Variants in USP34 observed in about 807,000 individuals in gnomAD.
The protein encoded by USP34 is ubiquitin carboxyl-terminal hydrolase 34.
A neutral mutation model predicts 460.3 loss-of-function variants in USP34; 70 were observed. The ratio of observed to expected loss-of-function variants is 0.15; its 90% CI spans 0.13 to 0.19. The LOEUF (loss-of-function observed/expected upper bound fraction) is 0.19. Ranked by LOEUF, USP34 falls within the 10% of genes least tolerant of loss-of-function variation. The probability of loss-of-function intolerance (pLI) is 1.00; values close to 1 mark genes in which losing one functional copy is unlikely to be tolerated. For synonymous variants in USP34, 1,647 were observed against 1,405.3 expected (o/e 1.17, Z -3.85); for missense variants, 3,985 against 4,236.2 (o/e 0.94, Z 1.65).
chr2:61,405,821 T>G lies in USP34; in HGVS notation c.439A>C (p.Ser147Arg). ...TCCTTCTCATCTGTACTCCATAAAC[T>G]AAAAGGATCAGAACTCTTTGAAGAT... is the stretch of plus-strand genomic sequence containing the variant. ...EESSKSSDPF[S>R]LWSTDEKEKL... is the part of the protein sequence containing the mutation. The change falls in exon 3 of 80, where the codon AGT becomes CGT. Residue 147 changes from serine (S) to arginine (R), a missense_variant. This residue lies in a region of USP34 where 331 missense variants were observed against 293.7 expected (regional missense o/e 1.13). Transcript: ENST00000398571. 6.2e-7 allele frequency: 1 copy of G among 1,613,650 alleles called. No homozygotes were observed. The highest frequency in any genetic ancestry group is 8.5e-7 in the Non-Finnish European group (1 of 1,179,878).
chr2:61,425,731 C>G (rs1167991891), intron 1 of USP34, among the ~76,000 whole-genome samples: 2 of 152,150 alleles, frequency 1.3e-5, no homozygotes, highest in East Asian at 1.9e-4. Context: ...AACTGGGCAC[C>G]AAGACAGTAG....
chr2:61,325,103 T>C (rs958505776), intron 21 of USP34, among the ~76,000 whole-genome samples: 3 of 151,978 alleles, frequency 2.0e-5, no homozygotes, highest in Admixed American at 6.6e-5. Flanking sequence ...AAAGGGGATA[T>C]GGCAGGAACA....
chr2:61,355,152 G>T (rs1045766189), intron 10 of USP34, among the ~76,000 whole-genome samples: 2 of 152,162 alleles, frequency 1.3e-5, no homozygotes, highest in African/African-American at 2.4e-5. Context: ...GTCTTCAAAA[G>T]TTCTGGGGAA....
At chr2:61,440,858 T>C (rs1172245907) in intron 1 of USP34, among the ~76,000 whole-genome samples, 1 of 150,562 alleles carries the variant, frequency 6.6e-6, no homozygotes, top group Non-Finnish European at 1.5e-5. Flanking sequence ...TCGGGTGCAG[T>C]GGCTCACGCC....
intron 29 of USP34, among the ~76,000 whole-genome samples, chr2:61,299,035 G>C (rs911813077): frequency 2.6e-5 from 4 of 151,916 alleles, no homozygotes. Context: ...ACATGGAACA[G>C]AACACCAGCA....
rs1693523243 is a variant in USP34 at position 61,396,309 on chromosome 2, A to G, written c.553-1076T>C. On this transcript the variant is annotated intron_variant, in intron 3 of 79. Transcript: ENST00000398571. ...GAACTTTTTGGAAGGCTATTTGGCA[A>G]TATCCTTCAATATTTAAAATACACA... 2.0e-5 allele frequency among the ~76,000 whole-genome samples: 3 copies of G among 152,134 alleles called. No individual in the cohort carries two copies. In the South Asian group the frequency reaches 6.2e-4, roughly 31 times the overall value.
chr2:61,272,426 A>G (rs956631753), intron 41 of USP34, among the ~76,000 whole-genome samples: 2 of 151,676 alleles, frequency 1.3e-5, no homozygotes, highest in African/African-American at 4.8e-5. Flanking sequence ...AAAAAAAAAA[A>G]AAAAATTAGG....
At chr2:61,431,567 A>G (rs368345853) in intron 1 of USP34, among the ~76,000 whole-genome samples, 3 of 152,196 alleles carry the variant, frequency 2.0e-5, no homozygotes, top group East Asian at 3.8e-4. Context: ...TTTAGCTAGC[A>G]GAGGCTGGCC....
At chr2:61,361,975 A>T (rs1405209670) in intron 10 of USP34, among the ~76,000 whole-genome samples, 2 of 151,564 alleles carry the variant, frequency 1.3e-5, no homozygotes, top group Admixed American at 6.6e-5. Flanking sequence ...AAAAAATAAT[A>T]AATAAATAAA....
rs751405965 is a variant in USP34, at chr2:61,294,903, G to A, written c.4461+46C>T. On this transcript the variant is annotated intron_variant, in intron 32 of 79. Coordinates refer to ENST00000398571, the MANE Select transcript of USP34 (RefSeq NM_014709.4). ...TGGTACCCACTTTTGAAAAACTGAAGATAAATTATTTTTATCAATACATTG... is the reference window on the plus strand; with the variant it reads ...TGGTACCCACTTTTGAAAAACTGAAAATAAATTATTTTTATCAATACATTG... The A allele has an allele frequency of 4.7e-6, 7 of 1,499,122 alleles. No homozygotes were observed. In the East Asian group the frequency reaches 6.9e-5, roughly 15 times the overall value. 92.9% of individuals were successfully genotyped at this position (1,499,122 alleles called of 1,614,324 possible).
chr2:61,190,652 T>C lies in USP34; in HGVS notation c.9595A>G (p.Met3199Val), dbSNP rs771160693. 4 of 1,613,234 alleles carry C rather than the reference T, an allele frequency of 2.5e-6. No homozygotes were observed. Among genetic ancestry groups the C allele is most frequent in the Admixed American group, 1.7e-5 (1 of 59,846 alleles). Residue 3199 changes from methionine (M) to valine (V), a missense_variant, in exon 77 of 80, where the codon ATG becomes GTG. Around this residue, in one of 14 missense-constraint regions of USP34, gnomAD observed 506 missense variants for 439.0 expected, o/e 1.15. Transcript: ENST00000398571. ...WTELCQTQSA[M>V]SKNCIKLLCE... ...AAAAGCTTGATGCAGTTTTTTGACA[T>C]AGCAGACTAAAGTGGGGAGAAGATG...
chr2:61,470,198 G>C (rs909357492), intron 1 of USP34, among the ~76,000 whole-genome samples: 2 of 152,158 alleles, frequency 1.3e-5, no homozygotes, highest in Non-Finnish European at 2.9e-5. Flanking sequence ...GGAGTTTAAT[G>C]AAAATTAGCA....
intron 54 of USP34, 40 bp from the exon 55 acceptor site, chr2:61,236,276 A>AT (rs1171126105): frequency 6.3e-7 from 1 of 1,594,294 alleles, no homozygotes. Flanking sequence ...CACACGTAAG[A>AT]TTTTTTTAAA....
At chr2:61,308,389 G>C (rs191497437) in intron 27 of USP34, among the ~76,000 whole-genome samples, 2 of 152,188 alleles carry the variant, frequency 1.3e-5, no homozygotes, top group East Asian at 3.9e-4. Context: ...GAAAAACTCA[G>C]TAGAAAGACT....
intron 5 of USP34, among the ~76,000 whole-genome samples, chr2:61,390,046 A>T (rs770329324): frequency 6.6e-6 from 1 of 152,152 alleles, no homozygotes; most frequent in Non-Finnish European, 1.5e-5. Flanking sequence ...CTTTGCTAGT[A>T]TATTTGTAAA....
At chr2:61,380,120 A>T in intron 7 of USP34, 49 bp downstream of exon 7, 1 of 1,544,978 alleles carries the variant, frequency 6.5e-7, no homozygotes, top group Non-Finnish European at 8.8e-7. Context: ...ATTATGATAG[A>T]CCAGAAAACA....
chr2:61,415,159 G>A (rs1337802681), intron 2 of USP34, among the ~76,000 whole-genome samples: 1 of 152,028 alleles, frequency 6.6e-6, no homozygotes, highest in Non-Finnish European at 1.5e-5. Flanking sequence ...CAGACCCTAA[G>A]GTTCTCCTGC....
chr2:61,387,124 G>A (rs1693171611), intron 5 of USP34, among the ~76,000 whole-genome samples: 1 of 152,038 alleles, frequency 6.6e-6, no homozygotes, highest in Non-Finnish European at 1.5e-5. Flanking sequence ...ATCCAAATAA[G>A]TAATATGCCT....
intron 57 of USP34, among the ~76,000 whole-genome samples, chr2:61,234,634 TTTTTTA>T (rs553758165): frequency 1.5e-4 from 23 of 152,164 alleles, no homozygotes; most frequent in Non-Finnish European, 2.4e-4. Context: ...TTCAGGTTTA[TTTTTTA>T]TTTTTATTTT....
Sources: allele counts gnomAD v4.1 joint callset (sites outside exome capture counted in the v4.1 genomes callset), GRCh38; gene constraint gnomAD v4.1.1; regional missense constraint gnomAD v4.1.1; transcripts MANE v1.5; gene names NCBI Gene and HGNC (gene_info 2026-07-23, HGNC 2026-07-21).